The following GABRA3 variants were observed in gnomAD, a reference collection of about 807,000 sequenced individuals.
GABRA3 encodes gamma-aminobutyric acid type A receptor subunit alpha3.
Under a neutral mutation model 30.1 loss-of-function variants are expected in GABRA3, and 10 were observed. The observed-to-expected ratio is 0.33, with a 90% CI of 0.20 to 0.56. The LOEUF (loss-of-function observed/expected upper bound fraction) is 0.56, where lower values mean the gene tolerates loss of function less well. GABRA3 is among the 20% of genes least tolerant of loss of function. The probability of loss-of-function intolerance (pLI) is 0.89; values close to 1 mark genes in which losing one functional copy is unlikely to be tolerated. For synonymous variants in GABRA3, 151 were observed against 146.8 expected, an observed-to-expected ratio of 1.03 and a Z score of -0.21; for missense variants, 233 against 392.0, an observed-to-expected ratio of 0.59 and a Z score of 3.42.
At chrX:152,281,993 G>C (rs781160765) in intron 4 of GABRA3, among the ~76,000 whole-genome samples, 1 of 111,923 alleles carries the variant, frequency 8.9e-6, no homozygotes, top group Non-Finnish European at 1.9e-5. Flanking sequence ...CACTGAGTCA[G>C]ACATTTATGG....
chrX:152,197,492 C>A, intron 8 of GABRA3, 141 bp downstream of exon 8: 1 of 463,288 alleles, frequency 2.2e-6, no homozygotes, highest in Admixed American at 4.8e-5. Flanking sequence ...TCTAAAACCC[C>A]ATGGTCTGAT....
chrX:152,248,681 A>T (rs1603225759), intron 5 of GABRA3, among the ~76,000 whole-genome samples: 2 of 111,443 alleles, frequency 1.8e-5, no homozygotes, highest in South Asian at 7.4e-4. Context: ...TTCACTTTAA[A>T]AAATACATTA....
intron 4 of GABRA3, among the ~76,000 whole-genome samples, chrX:152,277,166 G>C (rs1939101362): frequency 9.0e-6 from 1 of 110,970 alleles, no homozygotes; most frequent in Non-Finnish European, 1.9e-5. Flanking sequence ...AGTAGACATA[G>C]CTACTTTTTC....
intron 5 of GABRA3, among the ~76,000 whole-genome samples, chrX:152,248,392 G>T (rs2124408099): frequency 9.0e-6 from 1 of 111,337 alleles, no homozygotes; most frequent in South Asian, 3.7e-4. Context: ...AATCTGTCGT[G>T]CTCTTTCATC....
intron 1 of GABRA3, among the ~76,000 whole-genome samples, chrX:152,424,928 C>CTTTTTTTTT (rs747255822): frequency 5.7e-4 from 24 of 42,348 alleles, no homozygotes; most frequent in Non-Finnish European, 7.3e-4. Flanking sequence ...TTTTTCTTTT[C>CTTTTTTTTT]TTTTTTTTTT....
intron 1 of GABRA3, among the ~76,000 whole-genome samples, chrX:152,418,572 G>A (rs988283788): frequency 2.4e-4 from 27 of 111,274 alleles, no homozygotes; most frequent in African/African-American, 3.3e-4. Context: ...TTGAAAAGAC[G>A]GAAGTATATA....
chrX:152,373,771 T>TC (rs1327128515), intron 1 of GABRA3, among the ~76,000 whole-genome samples: 1 of 108,835 alleles, frequency 9.2e-6, no homozygotes, highest in African/African-American at 3.3e-5. Context: ...ATGCTATCCC[T>TC]CCCCCATCCC....
chrX:152,309,629 G>A (rs1767660927), intron 3 of GABRA3, among the ~76,000 whole-genome samples: 1 of 111,736 alleles, frequency 8.9e-6, no homozygotes, highest in Non-Finnish European at 1.9e-5. Context: ...TGCCTTACAA[G>A]AGGTCCTTAA....
chrX:152,181,907 T>C (rs766489132), intron 9 of GABRA3, among the ~76,000 whole-genome samples: 36 of 111,400 alleles, frequency 3.2e-4, no homozygotes, highest in African/African-American at 1.2e-3. Context: ...CCTTTATTTC[T>C]TTCTCTTGTT....
At chrX:152,449,941 C>A (rs1931180858) in intron 1 of GABRA3, among the ~76,000 whole-genome samples, 8 of 111,529 alleles carry the variant, frequency 7.2e-5, no homozygotes. Context: ...TAATACACAC[C>A]AAACACTCAG....
At chrX:152,337,856 A>T (rs1325848951) in intron 3 of GABRA3, among the ~76,000 whole-genome samples, 1 of 111,322 alleles carries the variant, frequency 9.0e-6, no homozygotes, top group East Asian at 2.8e-4. Flanking sequence ...TAAAAACAGA[A>T]AAAAGAGATT....
chrX:152,383,210 C>A (rs1288776121), intron 1 of GABRA3, among the ~76,000 whole-genome samples: 2 of 107,206 alleles, frequency 1.9e-5, no homozygotes, highest in African/African-American at 6.8e-5. Context: ...CACAATGAAA[C>A]CCTGTCTCTA....
chrX:152,264,043 T>G (rs748197938), intron 4 of GABRA3, among the ~76,000 whole-genome samples: 4 of 111,255 alleles, frequency 3.6e-5, no homozygotes, highest in African/African-American at 1.3e-4. Flanking sequence ...AGCGGAGGGA[T>G]TTCATCACAA....
intron 3 of GABRA3, among the ~76,000 whole-genome samples, chrX:152,328,423 T>C (rs1470316630): frequency 1.8e-5 from 2 of 111,787 alleles, no homozygotes; most frequent in Non-Finnish European, 3.8e-5. Flanking sequence ...CCATTATCCC[T>C]GATGAACATC....
chrX:152,199,234 C>T (rs758939030), intron 7 of GABRA3, among the ~76,000 whole-genome samples: 36 of 106,055 alleles, frequency 3.4e-4, no homozygotes, highest in African/African-American at 1.0e-3. Context: ...GGTGTGGTGG[C>T]GGGCACCTGT....
chrX:152,339,693 T>C (rs1260834355), intron 3 of GABRA3, among the ~76,000 whole-genome samples: 1 of 111,637 alleles, frequency 9.0e-6, no homozygotes, highest in Non-Finnish European at 1.9e-5. Flanking sequence ...TTTACTTATT[T>C]TCTGTCTACT....
At chrX:152,170,479 A>AT (rs777124526) in intron 9 of GABRA3, among the ~76,000 whole-genome samples, 2 of 111,296 alleles carry the variant, frequency 1.8e-5, no homozygotes, top group South Asian at 7.6e-4. Flanking sequence ...ATGCCCAGCT[A>AT]TTTTTTTGTT....
At chrX:152,210,711 G>A (rs1378848227) in intron 6 of GABRA3, among the ~76,000 whole-genome samples, 2 of 112,141 alleles carry the variant, frequency 1.8e-5, no homozygotes, top group East Asian at 5.6e-4. Context: ...GATCAAACAA[G>A]TCACACCTGA....
chrX:152,385,561 T>C (rs764725843), intron 1 of GABRA3, among the ~76,000 whole-genome samples: 1 of 112,040 alleles, frequency 8.9e-6, no homozygotes, highest in African/African-American at 3.2e-5. Flanking sequence ...ACTCTGATGG[T>C]AGTTTCTTTT....
Sources: allele counts gnomAD v4.1 joint callset (sites outside exome capture counted in the v4.1 genomes callset), GRCh38; gene constraint gnomAD v4.1.1; transcripts MANE v1.5; gene names NCBI Gene and HGNC (gene_info 2026-07-23, HGNC 2026-07-21).